The following SDK1 variants were observed in gnomAD, a reference collection of about 807,000 sequenced individuals.
SDK1 encodes the protein sidekick cell adhesion molecule 1.
In SDK1, 157 loss-of-function variants were observed where a neutral mutation model predicts 245.5. The observed-to-expected ratio is 0.64, with a 90% CI of 0.56 to 0.73. The LOEUF (loss-of-function observed/expected upper bound fraction) is 0.73. Among genes scored for constraint, SDK1 ranks in the 30% least tolerant of loss-of-function variants. SDK1 has a pLI of 0.00. For synonymous variants in SDK1, 1,647 were observed against 1,278.5 expected, an observed-to-expected ratio of 1.29 and a Z score of -6.15; for missense variants, 3,583 against 3,002.3, an observed-to-expected ratio of 1.19 and a Z score of -4.52.
At chr7:4,127,829 C>G (rs1784493564) in intron 26 of SDK1, among the ~76,000 whole-genome samples, 1 of 152,218 alleles carries the variant, frequency 6.6e-6, no homozygotes, top group Non-Finnish European at 1.5e-5. Context: ...GCTTGTGTCT[C>G]CCCGCTTGTA....
At chr7:4,147,584 T>C (rs1336732288) in intron 29 of SDK1, among the ~76,000 whole-genome samples, 1 of 152,112 alleles carries the variant, frequency 6.6e-6, no homozygotes, top group East Asian at 1.9e-4. Context: ...TAGCATTCAG[T>C]GAAAGCACAT....
intron 2 of SDK1, among the ~76,000 whole-genome samples, chr7:3,626,307 A>T (rs1257488838): frequency 3.3e-5 from 5 of 152,156 alleles, no homozygotes; most frequent in Non-Finnish European, 7.4e-5. Flanking sequence ...CCTCAGTGTA[A>T]CTTGTACCTG....
At chr7:3,609,534 G>T (rs988013424) in intron 1 of SDK1, among the ~76,000 whole-genome samples, 19 of 152,228 alleles carry the variant, frequency 1.2e-4, no homozygotes, top group Non-Finnish European at 2.5e-4. Context: ...CCAAGTAGCT[G>T]GGATTACAGG....
rs375661314 is a variant in SDK1 at position 3,504,182 on chromosome 7, A to ATATGTGTGTG, written c.299-114897_299-114896insATGTGTGTGT. ...AACCAAAAAAATTATATATATATATATGTGTGTGTGTGTGTGTGTGTGTGT... is the reference window on the plus strand; with the variant it reads ...AACCAAAAAAATTATATATATATATATATGTGTGTGTGTGTGTGTGTGTGTGTGTGTGTGT... On this transcript the variant is annotated intron_variant, in intron 1 of 44. Transcript: ENST00000404826. 2.8e-4 allele frequency among the ~76,000 whole-genome samples: 37 copies of ATATGTGTGTG among 131,942 alleles called. No homozygotes were observed. In the East Asian group the frequency reaches 6.2e-3, roughly 22 times the overall value. The allele number at this position is 131,942 out of a possible 152,430, so 86.6% of individuals were successfully genotyped here.
At chr7:4,160,239 C>T (rs1325424730) in intron 31 of SDK1, among the ~76,000 whole-genome samples, 2 of 152,178 alleles carry the variant, frequency 1.3e-5, no homozygotes, top group African/African-American at 2.4e-5. Flanking sequence ...TGCAACTAAG[C>T]ACTAAATCTT....
At chr7:3,827,172 G>T (rs116293167) in intron 5 of SDK1, among the ~76,000 whole-genome samples, 22,896 of 152,150 alleles carry the variant, frequency 0.15, 1,841 homozygotes, top group Middle Eastern at 0.31. Context: ...GAACACATAT[G>T]GGGGAAGCTC....
At chr7:3,926,962 G>C (rs1779792520) in intron 5 of SDK1, among the ~76,000 whole-genome samples, 1 of 152,198 alleles carries the variant, frequency 6.6e-6, no homozygotes, top group East Asian at 1.9e-4. Context: ...GTCTGCTCCA[G>C]TAGCCTGAGC....
chr7:3,597,653 G>C (rs1781109599), intron 1 of SDK1, among the ~76,000 whole-genome samples: 1 of 152,202 alleles, frequency 6.6e-6, no homozygotes, highest in Admixed American at 6.5e-5. Context: ...ATTTAGCTCA[G>C]TGACTTCATT....
intron 1 of SDK1, among the ~76,000 whole-genome samples, chr7:3,524,151 T>A (rs886990915): frequency 3.9e-5 from 6 of 152,174 alleles, no homozygotes; most frequent in African/African-American, 1.2e-4. Flanking sequence ...GGGCAAGAAC[T>A]TCCCAGAATG....
intron 4 of SDK1, among the ~76,000 whole-genome samples, chr7:3,780,556 G>C (rs1780699931): frequency 6.6e-6 from 1 of 152,176 alleles, no homozygotes; most frequent in Non-Finnish European, 1.5e-5. Flanking sequence ...TTTCTACCTA[G>C]CCTGAGTTCC....
At chr7:3,628,519 T>C (rs1033201809) in intron 2 of SDK1, among the ~76,000 whole-genome samples, 47 of 152,208 alleles carry the variant, frequency 3.1e-4, no homozygotes, top group African/African-American at 1.1e-3. Flanking sequence ...GACTCTTCTT[T>C]GGGGCTACTA....
chr7:3,513,249 G>T (rs996371235), intron 1 of SDK1, among the ~76,000 whole-genome samples: 1 of 152,170 alleles, frequency 6.6e-6, no homozygotes, highest in African/African-American at 2.4e-5. Flanking sequence ...TTTATGGGTG[G>T]AGAAACTGAA....
intron 4 of SDK1, among the ~76,000 whole-genome samples, chr7:3,676,474 T>A (rs374086663): frequency 6.6e-6 from 1 of 151,992 alleles, no homozygotes; most frequent in Non-Finnish European, 1.5e-5. Flanking sequence ...TACAGGCGCC[T>A]GCCACCACGC....
intron 1 of SDK1, among the ~76,000 whole-genome samples, chr7:3,591,678 G>A (rs1235870785): frequency 1.3e-5 from 2 of 152,218 alleles, no homozygotes; most frequent in East Asian, 1.9e-4. Context: ...TGATCACTGT[G>A]GGCCCATGGC....
intron 40 of SDK1, among the ~76,000 whole-genome samples, chr7:4,225,277 G>A (rs138622606): frequency 3.3e-4 from 50 of 152,268 alleles, no homozygotes; most frequent in African/African-American, 1.1e-3. Flanking sequence ...TCTTACAACC[G>A]CTTGGGACTC....
chr7:4,149,432 A>G lies in SDK1; in HGVS notation c.4594A>G (p.Ser1532Gly). The change falls in exon 30 of 45, where the codon AGC (serine) becomes GGC (glycine). Residue 1532 changes from serine (S) to glycine (G), a missense_variant. Physicochemically the swap from Ser to Gly is moderately conservative, Grantham distance 56. Transcript: ENST00000404826. ...GEWQTYSSSISHEATACVVDR... is the reference protein window; with the variant it reads ...GEWQTYSSSIGHEATACVVDR... The stretch of plus-strand genomic sequence containing the variant: ...GTGGCAGACCTACTCCTCGTCCATC[A>G]GCCATGAGGCGACAGCATGCGTCGT... 6.4e-7 allele frequency: 1 copy of G among 1,565,090 alleles called. No homozygotes were observed. Among genetic ancestry groups the G allele is most frequent in the South Asian group, 1.2e-5 (1 of 83,576 alleles).
In SDK1 at chr7:4,210,389, C is replaced by G. The variant is rs897546323; in HGVS notation, c.5539+227C>G. Among the ~76,000 whole-genome samples the G allele has an allele frequency of 3.9e-5, 6 of 152,214 alleles. No homozygotes were observed. The South Asian group carries it at 1.0e-3, about 26-fold the overall frequency. On this transcript the variant is annotated intron_variant, in intron 38 of 44. Coordinates refer to ENST00000404826, the MANE Select transcript of SDK1 (RefSeq NM_152744.4). ...GAAAAGCTGAGCCAAGACCAGACCTCTGTGTTCTGAGACCAGAACGGCACT... is the reference window on the plus strand; with the variant it reads ...GAAAAGCTGAGCCAAGACCAGACCTGTGTGTTCTGAGACCAGAACGGCACT...
In SDK1 at chr7:3,490,514, C is replaced by G. The variant is rs74764386; in HGVS notation, c.299-128566C>G. On this transcript the variant is annotated intron_variant, in intron 1 of 44. Transcript: ENST00000404826. ...TTTAAAGATTACCATTCGTTTTCTT[C>G]TGATATTTCTTTAAACATCTTATTT... Among the ~76,000 whole-genome samples, 661 of 152,242 alleles carry G rather than the reference C, an allele frequency of 4.3e-3. 6 individuals carry two copies. Among genetic ancestry groups the G allele is most frequent in the African/African-American group, 0.015 (621 of 41,544 alleles).
At chr7:3,911,433 G>C (rs537270401) in intron 5 of SDK1, among the ~76,000 whole-genome samples, 1 of 152,056 alleles carries the variant, frequency 6.6e-6, no homozygotes, top group Non-Finnish European at 1.5e-5. Context: ...CAGCACATTC[G>C]GTGTCTGGTG....
Sources: gnomAD v4.1 joint callset for allele counts (sites outside exome capture counted in the v4.1 genomes callset) on GRCh38, gnomAD v4.1.1 for gene constraint, MANE v1.5 for transcripts, NCBI Gene and HGNC (gene_info 2026-07-23, HGNC 2026-07-21) for gene names.